Variants in NFATC1 observed in about 807,000 individuals in gnomAD.
NFATC1 encodes nuclear factor of activated T cells 1.
A neutral mutation model predicts 76.0 loss-of-function variants in NFATC1; 22 were observed. That is an observed-to-expected ratio of 0.29 (90% CI 0.21 to 0.41). The LOEUF (loss-of-function observed/expected upper bound fraction) is 0.41. Ranked by LOEUF, NFATC1 falls within the 10% of genes least tolerant of loss-of-function variation. The pLI, the probability that NFATC1 is intolerant of heterozygous loss-of-function variation, is 1.00. For missense variants in NFATC1, 1,357 were observed against 1,337.7 expected (o/e 1.01, Z -0.23); for synonymous variants, 704 against 613.1 (o/e 1.15, Z -2.19).
At position 79,486,607 on chromosome 18, in the gene NFATC1, C is replaced by A. The variant is rs779021554; in HGVS notation, c.2452C>A (p.Pro818Thr). Residue 818 changes from proline to threonine, a missense_variant, in exon 9 of 10, where the codon CCC becomes ACC. This residue lies in a region of NFATC1 where 424 missense variants were observed against 395.4 expected (regional missense o/e 1.07). Coordinates refer to ENST00000427363, the MANE Select transcript of NFATC1 (RefSeq NM_001278669.2). ...ATHPGSPGQP[P>T]PALLPQQVSA... ...GCACCCCGGCTCGCCCGGGCAGCCA[C>A]CCCCGGCCCTGCTGCCACAGCAGGT... is the stretch of plus-strand genomic sequence containing the variant. 4.4e-6 allele frequency: 7 copies of A among 1,594,562 alleles called. No individual in the cohort carries two copies. The highest frequency in any genetic ancestry group is 5.1e-6 in the Non-Finnish European group (6 of 1,174,746).
chr18:79,437,535 G>A (rs578053929), intron 3 of NFATC1, among the ~76,000 whole-genome samples: 4 of 152,336 alleles, frequency 2.6e-5, no homozygotes, highest in East Asian at 1.9e-4. Context: ...CTGAGGGGGC[G>A]TCCGCCTGCT....
At chr18:79,508,621 CTCTCTG>C (rs1426388144) in intron 9 of NFATC1, among the ~76,000 whole-genome samples, 3 of 152,070 alleles carry the variant, frequency 2.0e-5, no homozygotes, top group African/African-American at 7.2e-5. Context: ...CTCTATCCCT[CTCTCTG>C]TCTCTGTCTC....
At chr18:79,444,360 C>T (rs1410436177) in intron 3 of NFATC1, among the ~76,000 whole-genome samples, 1 of 152,250 alleles carries the variant, frequency 6.6e-6, no homozygotes, top group Non-Finnish European at 1.5e-5. Flanking sequence ...CCTCCCGTTC[C>T]TTCTCTGCAC....
chr18:79,486,692 G>T lies in NFATC1; in HGVS notation c.2537G>T (p.Ser846Ile). ...CTCGAACACTCGCTCTGCCCCAGCA[G>T]CCCCTCTCCTCCACTCCCGCCTGCC... ...PGLEHSLCPS[S>I]PSPPLPPATQ... Residue 846 changes from serine to isoleucine, a missense_variant, in exon 9 of 10, where the codon AGC (serine) becomes ATC (isoleucine). By Grantham distance (142) the Ser-to-Ile change is moderately radical (BLOSUM62 -2). This residue lies in a region of NFATC1 where 424 missense variants were observed against 395.4 expected (regional missense o/e 1.07). Coordinates refer to ENST00000427363, the MANE Select transcript of NFATC1 (RefSeq NM_001278669.2). 1 of 1,600,376 alleles carries T rather than the reference G, an allele frequency of 6.2e-7. No homozygotes were observed.
At chr18:79,425,103 CTCTG>C (rs1365776733) in intron 2 of NFATC1, among the ~76,000 whole-genome samples, 1 of 151,224 alleles carries the variant, frequency 6.6e-6, no homozygotes, top group Non-Finnish European at 1.5e-5. Flanking sequence ...CTCTCCATCT[CTCTG>C]TCTCTGTCGC....
At chr18:79,397,036 T>C (rs1168391712) in intron 1 of NFATC1, among the ~76,000 whole-genome samples, 3 of 152,124 alleles carry the variant, frequency 2.0e-5, no homozygotes, top group East Asian at 1.9e-4. Flanking sequence ...TGCTTCTTTA[T>C]AGTGAAAAAA....
In NFATC1 at chr18:79,476,207, C is replaced by T. The variant is rs572079428; in HGVS notation, c.2092+8625C>T. Among the ~76,000 whole-genome samples, 7 of 152,344 alleles carry T rather than the reference C, an allele frequency of 4.6e-5. No individual in the cohort carries two copies. In the South Asian group the frequency reaches 6.2e-4, roughly 14 times the overall value. On this transcript the variant is annotated intron_variant, in intron 8 of 9. Transcript: ENST00000427363. ...GCCCTGAGCTTGGCGACGCCAGCCG[C>T]GCGCCTGGGAGGGATCCGCCTGTCC...
At chr18:79,455,087 A>C (rs2087631615) in intron 6 of NFATC1, among the ~76,000 whole-genome samples, 1 of 152,206 alleles carries the variant, frequency 6.6e-6, no homozygotes, top group Non-Finnish European at 1.5e-5. Flanking sequence ...CAGAAGGCGC[A>C]AGGTTCTGAG....
chr18:79,402,831 T>C (rs1385554798), intron 1 of NFATC1, among the ~76,000 whole-genome samples: 3 of 152,252 alleles, frequency 2.0e-5, no homozygotes, highest in Non-Finnish European at 4.4e-5. Flanking sequence ...TTATATCACA[T>C]TGTTAAATGA....
At chr18:79,458,239 G>A (rs1376295984) in intron 6 of NFATC1, among the ~76,000 whole-genome samples, 8 of 151,778 alleles carry the variant, frequency 5.3e-5, no homozygotes, top group South Asian at 4.2e-4. Flanking sequence ...GGGGATGGAT[G>A]AGACGCCCCA....
intron 3 of NFATC1, 109 bp downstream of exon 3, chr18:79,433,847 T>G: frequency 1.4e-6 from 2 of 1,385,464 alleles, no homozygotes; most frequent in South Asian, 1.4e-5. Flanking sequence ...GCCAGCTGAA[T>G]GCTCTGTCGT....
intron 1 of NFATC1, among the ~76,000 whole-genome samples, chr18:79,398,106 G>A (rs1463482305): frequency 6.6e-6 from 1 of 152,134 alleles, no homozygotes; most frequent in Non-Finnish European, 1.5e-5. Context: ...GGACCTGGGC[G>A]CCTCCCCTGC....
intron 2 of NFATC1, among the ~76,000 whole-genome samples, chr18:79,424,324 G>A (rs539958944): frequency 1.3e-5 from 2 of 152,370 alleles, no homozygotes; most frequent in Admixed American, 6.5e-5. Flanking sequence ...TCAGGGCCGA[G>A]TTCTGCCGGC....
intron 9 of NFATC1, among the ~76,000 whole-genome samples, chr18:79,488,377 C>T (rs1431480881): frequency 1.3e-5 from 2 of 151,032 alleles, no homozygotes; most frequent in African/African-American, 2.4e-5. Context: ...CAGCCCTCAT[C>T]GTCTGTTTTT....
chr18:79,475,737 AGAAGAAGGGCTCCAATTGAAAGG>A (rs1365309138), intron 8 of NFATC1, among the ~76,000 whole-genome samples: 1 of 152,250 alleles, frequency 6.6e-6, no homozygotes, highest in Non-Finnish European at 1.5e-5. Context: ...CCCAAAAGTC[AGAAGAAGGGCTCCAATTGAAAGG>A]GAGGTCCGAG....
chr18:79,412,117 C>A (rs190310110), intron 2 of NFATC1, among the ~76,000 whole-genome samples: 1 of 152,334 alleles, frequency 6.6e-6, no homozygotes, highest in Non-Finnish European at 1.5e-5. Context: ...GGAGCTCACG[C>A]GCCTTCCTTC....
intron 9 of NFATC1, among the ~76,000 whole-genome samples, chr18:79,523,538 C>A (rs1314661562): frequency 6.6e-6 from 1 of 152,250 alleles, no homozygotes; most frequent in Non-Finnish European, 1.5e-5. Context: ...TTGCGTGGCC[C>A]CAGCAAGGGC....
In NFATC1 at chr18:79,410,331, C is replaced by T; in HGVS notation, c.128-72C>T. 7 of 1,532,580 alleles carry T rather than the reference C, an allele frequency of 4.6e-6. No homozygotes were observed. Among genetic ancestry groups the T allele is most frequent in the Non-Finnish European group, 5.2e-6 (6 of 1,144,526 alleles). 94.9% of individuals were successfully genotyped at this position (1,532,580 alleles called of 1,614,324 possible). ...GTCGAGGCCGGGGGTTGCTGGCCGG[C>T]CCTGAGTTCATGGGTTTCTGCTTTG... On this transcript the variant is annotated intron_variant, in intron 1 of 9. Transcript: ENST00000427363. This position sits in a 1 kb window ranked among gnomAD's most constrained non-coding sequence, Gnocchi z 6.7.
At chr18:79,438,533 G>A (rs181087632) in intron 3 of NFATC1, among the ~76,000 whole-genome samples, 1 of 152,324 alleles carries the variant, frequency 6.6e-6, no homozygotes, top group East Asian at 1.9e-4. Context: ...CCCATCACAC[G>A]GGAGGCCGGG....
Sources: allele counts gnomAD v4.1 joint callset (sites outside exome capture counted in the v4.1 genomes callset), GRCh38; gene constraint gnomAD v4.1.1; regional missense constraint gnomAD v4.1.1; non-coding constraint Gnocchi (gnomAD v3.1); transcripts MANE v1.5; gene names NCBI Gene and HGNC (gene_info 2026-07-23, HGNC 2026-07-21).